The following DTX3L variants were observed in gnomAD, a reference collection of about 807,000 sequenced individuals.
The protein encoded by DTX3L is E3 ubiquitin-protein ligase DTX3L.
DTX3L carries 34 observed loss-of-function variants against 60.9 expected under a neutral mutation model. The observed-to-expected ratio is 0.56, with a 90% confidence interval of 0.42 to 0.74. The LOEUF is 0.74. Ranked by LOEUF, DTX3L falls within the 30% of genes least tolerant of loss-of-function variation. The pLI is 0.00. For synonymous variants in DTX3L, 290 were observed against 316.6 expected, an observed-to-expected ratio of 0.92 and a Z score of 0.89; for missense variants, 810 against 874.0, an observed-to-expected ratio of 0.93 and a Z score of 0.92.
chr3:122,566,074 A>G lies in DTX3L; in HGVS notation c.399+4A>G. ...TGTGGATTCCTGTCTCCAAAAGGTG[A>G]GTATTGAAAGAAGGAGCTGGCTGTG... is the stretch of plus-strand genomic sequence containing the variant. On this transcript the variant is annotated splice_donor_region_variant and intron_variant, in intron 2 of 4. Transcript: ENST00000296161. 6.2e-7 allele frequency: 1 copy of G among 1,613,334 alleles called. No individual in the cohort carries two copies. Among genetic ancestry groups the G allele is most frequent in the Non-Finnish European group, 8.5e-7 (1 of 1,179,386 alleles).
At position 122,569,915 on chromosome 3, in the gene DTX3L, A is replaced by G; in HGVS notation, c.1826A>G (p.Asn609Ser). ...ACTTCCTATGGTATTCAGAAAGGAA[A>G]TCAGCCAGAGGGAAGCATGGTTTTC... ...CQTSYGIQKGNQPEGSMVFTV... is the reference protein window; with the variant it reads ...CQTSYGIQKGSQPEGSMVFTV... The change falls in exon 3 of 5, where the codon AAT (asparagine) becomes AGT (serine). Residue 609 changes from asparagine to serine, a missense_variant. Transcript: ENST00000296161. 1 of 1,614,152 alleles carries G rather than the reference A, an allele frequency of 6.2e-7. No individual in the cohort carries two copies.
intron 2 of DTX3L, among the ~76,000 whole-genome samples, chr3:122,567,378 G>C (rs1371943557): frequency 1.3e-5 from 2 of 152,192 alleles, no homozygotes; most frequent in African/African-American, 2.4e-5. Context: ...CCAGGTGAAA[G>C]ATGATAATGG....
intron 2 of DTX3L, 59 bp downstream of exon 2, chr3:122,566,129 A>G (rs561068167): frequency 1.1e-5 from 16 of 1,480,406 alleles, no homozygotes; most frequent in African/African-American, 8.4e-5. Context: ...CACCAGCCTC[A>G]TGTATTATTG....
At chr3:122,570,872 A>G (rs2080640390) in intron 4 of DTX3L, among the ~76,000 whole-genome samples, 200 bp downstream of exon 4, 1 of 152,156 alleles carries the variant, frequency 6.6e-6, no homozygotes, top group African/African-American at 2.4e-5. Flanking sequence ...AGTACTATGG[A>G]GTTATTTAAA....
rs778536916 is a variant in DTX3L at position 122,572,009 on chromosome 3, T to C, written c.*262T>C. 12 of 224,342 alleles carry C rather than the reference T, an allele frequency of 5.3e-5. No homozygotes were observed. The South Asian group carries it at 7.1e-4, about 13-fold the overall frequency. The allele number at this position is 224,342 out of a possible 1,614,324, so 13.9% of individuals were successfully genotyped here. On this transcript the variant is annotated 3_prime_UTR_variant, in exon 5 of 5. Coordinates refer to ENST00000296161, the MANE Select transcript of DTX3L (RefSeq NM_138287.3). ...CTGCAAGCTCCGCCTCCCAGGTTCA[T>C]GCCATTCTCCTACCTCAGCCTCCCG...
Position 122,570,577 on chromosome 3 carries a change from T to A in DTX3L, c.2058T>A (p.Ile686=). ...LLYRAFDQKL[I]FTVGYSRVLG... is the part of the protein sequence containing the mutation. ...ATAGGGCCTTTGACCAAAAGCTGAT[T>A]TTTACAGTGGGGTACTCTCGCGTAT... is the stretch of plus-strand genomic sequence containing the variant. Residue 686 remains isoleucine, a synonymous_variant, in exon 4 of 5, where the codon ATT becomes ATA. Transcript: ENST00000296161. 6.2e-7 allele frequency: 1 copy of A among 1,614,102 alleles called. No individual in the cohort carries two copies. Among genetic ancestry groups the A allele is most frequent in the Non-Finnish European group, 8.5e-7 (1 of 1,180,010 alleles).
rs1404088625 is a variant in DTX3L at position 122,572,151 on chromosome 3, GA to G, written c.*405del. On this transcript the variant is annotated 3_prime_UTR_variant, in exon 5 of 5. Coordinates refer to ENST00000296161, the MANE Select transcript of DTX3L (RefSeq NM_138287.3). ...GATGGTCTCGATCTCCTGACCTCGTGATCCGCCCGCCTCAGCCTTCCAAAGT... is the reference window on the plus strand; with the variant it reads ...GATGGTCTCGATCTCCTGACCTCGTGTCCGCCCGCCTCAGCCTTCCAAAGT... The G allele has an allele frequency of 1.9e-5, 3 of 161,616 alleles. No homozygotes were observed. The highest frequency in any genetic ancestry group is 7.2e-5 in the African/African-American group (3 of 41,758). The allele number at this position is 161,616 out of a possible 1,614,324, so 10.0% of individuals were successfully genotyped here.
At chr3:122,570,231 G>T (rs956527350) in intron 3 of DTX3L, 2 of 737,330 alleles carry the variant, frequency 2.7e-6, no homozygotes, top group Admixed American at 5.6e-5. Context: ...CAGAGAAAGG[G>T]TGGGTGGAGA....
At chr3:122,570,170 G>C in intron 3 of DTX3L, 146 bp downstream of exon 3, 1 of 882,736 alleles carries the variant, frequency 1.1e-6, no homozygotes, top group Non-Finnish European at 1.7e-6. Flanking sequence ...AGTGGTAAAG[G>C]TCACAATGTT....
rs892780979 is a variant in DTX3L, at chr3:122,567,950, C to T, written c.400-539C>T. On this transcript the variant is annotated intron_variant, in intron 2 of 4. Coordinates refer to ENST00000296161, the MANE Select transcript of DTX3L (RefSeq NM_138287.3). ...TGGCTGGTTTGTTTTTCCCTGAATTCGCCAGGTGAGTCTTATATGCAGACA... is the reference window on the plus strand; with the variant it reads ...TGGCTGGTTTGTTTTTCCCTGAATTTGCCAGGTGAGTCTTATATGCAGACA... Among the ~76,000 whole-genome samples, 4 of 152,100 alleles carry T rather than the reference C, an allele frequency of 2.6e-5. 1 individual carries two copies. In the South Asian group the frequency reaches 8.3e-4, roughly 32 times the overall value.
intron 2 of DTX3L, among the ~76,000 whole-genome samples, chr3:122,568,264 G>A (rs1456907706): frequency 1.3e-5 from 2 of 152,046 alleles, no homozygotes; most frequent in African/African-American, 2.4e-5. Flanking sequence ...AGCTGAGATC[G>A]CGCCATTGCA....
In DTX3L at chr3:122,569,465, G is replaced by T. The variant is rs77786095; in HGVS notation, c.1376G>T (p.Gly459Val). 1.5e-3 allele frequency: 2,410 copies of T among 1,614,114 alleles called. 26 individuals carry two copies. The East Asian group carries it at 0.023, about 16-fold the overall frequency. ...MREVLLLKSLGKERKHLHQTK... is the reference protein window; with the variant it reads ...MREVLLLKSLVKERKHLHQTK... ...GAAGTTCTTTTACTGAAGTCTTTGG[G>T]CAAGGAGAGAAAGCACTTACATCAG... Residue 459 changes from glycine to valine, a missense_variant, in exon 3 of 5, where the codon GGC becomes GTC. Transcript: ENST00000296161.
chr3:122,570,386 A>T, intron 3 of DTX3L, 69 bp from the exon 4 acceptor site: 1 of 1,454,254 alleles, frequency 6.9e-7, no homozygotes, highest in Non-Finnish European at 9.6e-7. Flanking sequence ...ACAAATGAAC[A>T]CATCTATACC....
rs1262707112 is a variant in DTX3L, at chr3:122,564,392, C to G, written c.-35C>G. The G allele has an allele frequency of 3.8e-6, 6 of 1,583,324 alleles. No homozygotes were observed. Among genetic ancestry groups the G allele is most frequent in the Non-Finnish European group, 5.1e-6 (6 of 1,166,674 alleles). ...CCGCGCCTTTACCGCCCAGCTGCCTCCCGGAGCCCCCGCGCCCTCCCGACG... is the reference window on the plus strand; with the variant it reads ...CCGCGCCTTTACCGCCCAGCTGCCTGCCGGAGCCCCCGCGCCCTCCCGACG... On this transcript the variant is annotated 5_prime_UTR_variant, in exon 1 of 5. Coordinates refer to ENST00000296161, the MANE Select transcript of DTX3L (RefSeq NM_138287.3).
Position 122,570,596 on chromosome 3 carries a change from C to T in DTX3L, c.2077C>T (p.Arg693Cys), listed in dbSNP as rs755161349. The T allele has an allele frequency of 9.4e-5, 152 of 1,614,000 alleles. 1 individual carries two copies. The highest frequency in any genetic ancestry group is 5.3e-4 in the Admixed American group (32 of 59,994). Reference sequence around the variant, plus strand: ...GCTGATTTTTACAGTGGGGTACTCTCGCGTATTAGGAGTCTCAGATGTCAT... The same window carrying T: ...GCTGATTTTTACAGTGGGGTACTCTTGCGTATTAGGAGTCTCAGATGTCAT... ...QKLIFTVGYS[R>C]VLGVSDVITW... Residue 693 changes from arginine (R) to cysteine (C), a missense_variant, in exon 4 of 5, where the codon CGC becomes TGC. Physicochemically the swap from Arg to Cys is radical, Grantham distance 180. Coordinates refer to ENST00000296161, the MANE Select transcript of DTX3L (RefSeq NM_138287.3).
chr3:122,574,849 G>A lies in DTX3L; in HGVS notation c.*3102G>A, dbSNP rs1179793563. On this transcript the variant is annotated 3_prime_UTR_variant, in exon 5 of 5. Coordinates refer to ENST00000296161, the MANE Select transcript of DTX3L (RefSeq NM_138287.3). ...AAATTTCCCCAGAGGAAATCCTATT[G>A]GAAGAACTTAAAAACTCAGAATCTT... 6.6e-6 allele frequency: 1 copy of A among 152,084 alleles called. No individual in the cohort carries two copies. The highest frequency in any genetic ancestry group is 1.5e-5 in the Non-Finnish European group (1 of 68,030). The allele number at this position is 152,084 out of a possible 1,614,324, so 9.4% of individuals were successfully genotyped here. A position where few individuals can be genotyped will look rare whatever the true frequency, so the allele number is the denominator to read the frequency against.
At position 122,569,781 on chromosome 3, in the gene DTX3L, T is replaced by G; in HGVS notation, c.1692T>G (p.Cys564Trp). Reference protein sequence around the residue: ...DKKEKGICVICMDTISNKKVL... With the variant: ...DKKEKGICVIWMDTISNKKVL... ...AGGAAAAGGGCATCTGTGTCATCTG[T>G]ATGGACACCATTAGTAACAAAAAAG... The change falls in exon 3 of 5, where the codon TGT (cysteine) becomes TGG (tryptophan). Residue 564 changes from cysteine (C) to tryptophan (W), a missense_variant. Cys to Trp is a radical substitution (Grantham distance 215). Transcript: ENST00000296161. The G allele has an allele frequency of 1.2e-6, 2 of 1,614,160 alleles. No individual in the cohort carries two copies. The highest frequency in any genetic ancestry group is 1.7e-6 in the Non-Finnish European group (2 of 1,180,024).
In DTX3L at chr3:122,574,310, T is replaced by C. The variant is rs1368199636; in HGVS notation, c.*2563T>C. The C allele has an allele frequency of 6.6e-6, 1 of 152,196 alleles. No individual in the cohort carries two copies. The highest frequency in any genetic ancestry group is 1.5e-5 in the Non-Finnish European group (1 of 68,040). The allele number at this position is 152,196 out of a possible 1,614,324, so 9.4% of individuals were successfully genotyped here. On this transcript the variant is annotated 3_prime_UTR_variant, in exon 5 of 5. Transcript: ENST00000296161. Reference sequence around the variant, plus strand: ...ATACTCTCTCTGGACAGAAAAAAGGTGAAATAAGCCTACTATAAGGAATAT... The same window carrying C: ...ATACTCTCTCTGGACAGAAAAAAGGCGAAATAAGCCTACTATAAGGAATAT...
intron 2 of DTX3L, 119 bp from the exon 3 acceptor site, chr3:122,568,370 C>T (rs924424945): frequency 2.0e-5 from 10 of 494,570 alleles, no homozygotes; most frequent in Non-Finnish European, 2.9e-5. Context: ...AAGAAGTTGC[C>T]CCCACTTGGG....
Sources: gnomAD v4.1 joint callset for allele counts (sites outside exome capture counted in the v4.1 genomes callset) on GRCh38, gnomAD v4.1.1 for gene constraint, MANE v1.5 for transcripts, NCBI Gene and HGNC (gene_info 2026-07-23, HGNC 2026-07-21) for gene names.